The following ADGRA1 variants were observed in gnomAD, a reference collection of about 807,000 sequenced individuals.
ADGRA1 encodes the protein adhesion G protein-coupled receptor A1.
ADGRA1 carries 12 observed loss-of-function variants against 21.3 expected under a neutral mutation model. The ratio of observed to expected loss-of-function variants is 0.56; its 90% CI spans 0.36 to 0.91. The LOEUF is 0.91. Ranked by LOEUF, ADGRA1 falls within the 40% of genes least tolerant of loss-of-function variation. ADGRA1 has a pLI of 0.01. For synonymous variants in ADGRA1, 385 were observed against 368.8 expected (o/e 1.04, Z -0.50); for missense variants, 790 against 805.6 (o/e 0.98, Z 0.23).
intron 2 of ADGRA1, among the ~76,000 whole-genome samples, chr10:133,092,151 G>A (rs778952038): frequency 2.0e-5 from 3 of 152,226 alleles, no homozygotes; most frequent in Non-Finnish European, 2.9e-5. Flanking sequence ...GGAGGGGCCC[G>A]GGACGCAGGG....
chr10:133,101,402 G>A (rs1410398049), intron 4 of ADGRA1, among the ~76,000 whole-genome samples: 1 of 152,206 alleles, frequency 6.6e-6, no homozygotes, highest in Non-Finnish European at 1.5e-5. Flanking sequence ...GCTGGCCCTG[G>A]GTCCGGCGGG....
chr10:133,101,291 A>G (rs1050623408), intron 4 of ADGRA1, among the ~76,000 whole-genome samples: 3 of 152,206 alleles, frequency 2.0e-5, no homozygotes, highest in Non-Finnish European at 4.4e-5. Flanking sequence ...ACCTGGTCCC[A>G]GGCTCTGGAT....
At chr10:133,115,065 T>C (rs982776709) in intron 5 of ADGRA1, among the ~76,000 whole-genome samples, 4 of 152,074 alleles carry the variant, frequency 2.6e-5, no homozygotes, top group African/African-American at 9.7e-5. Context: ...GTGCTTCCAG[T>C]GGAGGGGTGG....
intron 5 of ADGRA1, among the ~76,000 whole-genome samples, chr10:133,123,942 G>T (rs2135907483): frequency 1.3e-5 from 2 of 152,352 alleles, no homozygotes; most frequent in Middle Eastern, 6.8e-3. Context: ...TGACGCGTGA[G>T]GTGAAACCTT....
At chr10:133,112,197 A>G (rs760127941) in intron 5 of ADGRA1, among the ~76,000 whole-genome samples, 1 of 152,248 alleles carries the variant, frequency 6.6e-6, no homozygotes, top group Non-Finnish European at 1.5e-5. Context: ...TTGTGATTTC[A>G]TAGGTGCTCG....
At chr10:133,122,267 G>T (rs571411924) in intron 5 of ADGRA1, among the ~76,000 whole-genome samples, 1 of 152,232 alleles carries the variant, frequency 6.6e-6, no homozygotes, top group African/African-American at 2.4e-5. Flanking sequence ...TGAGAGGTGT[G>T]CAGCATCAGC....
intron 5 of ADGRA1, among the ~76,000 whole-genome samples, chr10:133,114,285 G>A (rs971218040): frequency 6.6e-6 from 1 of 152,210 alleles, no homozygotes. Flanking sequence ...CTGACGTCCT[G>A]GGACACAGAC....
chr10:133,109,571 C>G (rs1328960872), intron 5 of ADGRA1, among the ~76,000 whole-genome samples: 1 of 152,162 alleles, frequency 6.6e-6, no homozygotes, highest in Non-Finnish European at 1.5e-5. Flanking sequence ...CCATTCCAGC[C>G]TCCTCCCTGC....
chr10:133,097,718 C>G (rs1851712412), intron 3 of ADGRA1, among the ~76,000 whole-genome samples: 1 of 152,210 alleles, frequency 6.6e-6, no homozygotes, highest in African/African-American at 2.4e-5. Context: ...ACACGGGGGC[C>G]TCGATGGTTT....
intron 2 of ADGRA1, chr10:133,095,602 G>A: frequency 1.3e-6 from 2 of 1,550,670 alleles, no homozygotes; most frequent in South Asian, 2.3e-5. Context: ...CCCTGGGGCA[G>A]GGGCCCTATT....
At chr10:133,105,195 C>G (rs989664913) in intron 5 of ADGRA1, among the ~76,000 whole-genome samples, 1 of 152,238 alleles carries the variant, frequency 6.6e-6, no homozygotes, top group Non-Finnish European at 1.5e-5. Flanking sequence ...GTCGCCCACA[C>G]CCTCTCTGGC....
At chr10:133,095,781 G>C (rs549459094) in intron 2 of ADGRA1, 1 of 1,598,480 alleles carries the variant, frequency 6.3e-7, no homozygotes, top group Admixed American at 1.7e-5. Flanking sequence ...CCCGACACAG[G>C]TGACACTGCC....
chr10:133,092,837 G>GA (rs1851622830), intron 2 of ADGRA1, among the ~76,000 whole-genome samples: 1 of 110,238 alleles, frequency 9.1e-6, no homozygotes, highest in African/African-American at 3.7e-5. Flanking sequence ...GAGAGGGAGG[G>GA]AGGGAAGGAA....
At chr10:133,127,082 G>A (rs1221083724) in intron 5 of ADGRA1, 151 bp from the exon 6 acceptor site, 5 of 468,380 alleles carry the variant, frequency 1.1e-5, no homozygotes, top group Admixed American at 4.6e-5. Context: ...GTGGTCGGGG[G>A]TCGGGGGTCG....
chr10:133,111,869 CT>C (rs1852022917), intron 5 of ADGRA1, among the ~76,000 whole-genome samples: 1 of 125,562 alleles, frequency 8.0e-6, no homozygotes, highest in Non-Finnish European at 1.8e-5. Flanking sequence ...CTCCTAATCC[CT>C]CCAGACCACC....
intron 5 of ADGRA1, among the ~76,000 whole-genome samples, chr10:133,106,958 T>A (rs1851905714): frequency 6.6e-6 from 1 of 152,252 alleles, no homozygotes; most frequent in Admixed American, 6.5e-5. Flanking sequence ...CAGCACCACG[T>A]CTTCCAATTC....
At chr10:133,092,641 T>C (rs1347138261) in intron 2 of ADGRA1, among the ~76,000 whole-genome samples, 1 of 151,858 alleles carries the variant, frequency 6.6e-6, no homozygotes, top group Non-Finnish European at 1.5e-5. Context: ...GAAATCAGTG[T>C]TCATTGGCAC....
intron 1 of ADGRA1, 106 bp from the exon 2 acceptor site, chr10:133,088,602 G>A (rs1040774597): frequency 5.0e-5 from 33 of 665,524 alleles, no homozygotes; most frequent in Admixed American, 9.6e-5. Context: ...CCCGCGGAGG[G>A]GAGGGAGCGA....
At chr10:133,111,888 CACAGACACCTCCCTCCTA>C (rs1852024891) in intron 5 of ADGRA1, among the ~76,000 whole-genome samples, 1 of 123,074 alleles carries the variant, frequency 8.1e-6, no homozygotes, top group African/African-American at 3.0e-5. Flanking sequence ...ACCTGCCCAC[CACAGACACCTCCCTCCTA>C]ATGCCTCCAG....
Sources: allele counts gnomAD v4.1 joint callset (sites outside exome capture counted in the v4.1 genomes callset), GRCh38; gene constraint gnomAD v4.1.1; transcripts MANE v1.5; gene names NCBI Gene and HGNC (gene_info 2026-07-23, HGNC 2026-07-21).